The following ABTB2 variants were observed in gnomAD, a reference collection of about 807,000 sequenced individuals.
ABTB2 encodes ankyrin repeat and BTB/POZ domain-containing protein 2.
In ABTB2, 56 loss-of-function variants were observed where a neutral mutation model predicts 104.1. The observed-to-expected ratio is 0.54, with a 90% CI of 0.43 to 0.67. The LOEUF (loss-of-function observed/expected upper bound fraction) is 0.67, where lower values mean the gene tolerates loss of function less well. ABTB2 is among the 30% of genes least tolerant of loss of function. The probability of loss-of-function intolerance (pLI) is 0.00; values close to 1 mark genes in which losing one functional copy is unlikely to be tolerated. For missense variants in ABTB2, 1,279 were observed against 1,407.7 expected, an observed-to-expected ratio of 0.91 and a Z score of 1.46; for synonymous variants, 606 against 608.2, an observed-to-expected ratio of 1.00 and a Z score of 0.05.
intron 1 of ABTB2, among the ~76,000 whole-genome samples, chr11:34,322,194 T>C (rs928117056): frequency 1.3e-5 from 2 of 152,204 alleles, no homozygotes; most frequent in African/African-American, 4.8e-5. Context: ...ATGAAACACA[T>C]GATCTGGTTA....
At chr11:34,187,702 C>T (rs1853120121) in intron 3 of ABTB2, among the ~76,000 whole-genome samples, 1 of 151,986 alleles carries the variant, frequency 6.6e-6, no homozygotes, top group African/African-American at 2.4e-5. Context: ...CTATTTTGCC[C>T]AGGCTTGTCT....
At chr11:34,224,157 T>C (rs888337583) in intron 1 of ABTB2, among the ~76,000 whole-genome samples, 3 of 152,128 alleles carry the variant, frequency 2.0e-5, no homozygotes, top group African/African-American at 4.8e-5. Flanking sequence ...AAACTACAAG[T>C]GTATGCCACC....
chr11:34,313,747 T>C (rs2133106581), intron 1 of ABTB2, among the ~76,000 whole-genome samples: 1 of 152,358 alleles, frequency 6.6e-6, no homozygotes, highest in South Asian at 2.1e-4. Context: ...ACTTTGCAAC[T>C]CTACGGAGAA....
chr11:34,195,748 T>G (rs537872431), intron 3 of ABTB2, among the ~76,000 whole-genome samples: 5 of 152,334 alleles, frequency 3.3e-5, no homozygotes, highest in African/African-American at 1.2e-4. Context: ...AGCATCCGCC[T>G]GCAAACTGCT....
At chr11:34,191,930 C>T (rs889160185) in intron 3 of ABTB2, among the ~76,000 whole-genome samples, 1 of 152,194 alleles carries the variant, frequency 6.6e-6, no homozygotes, top group Non-Finnish European at 1.5e-5. Flanking sequence ...TGCTCCCCTG[C>T]CTGATACAAA....
chr11:34,313,277 G>A (rs1461215678), intron 1 of ABTB2, among the ~76,000 whole-genome samples: 1 of 152,220 alleles, frequency 6.6e-6, no homozygotes, highest in Non-Finnish European at 1.5e-5. Flanking sequence ...TCTGGTGCTG[G>A]CTCTGAAAGG....
rs529779414 is a variant in ABTB2, at chr11:34,244,342, C to T, written c.884-39652G>A. 8.5e-5 allele frequency among the ~76,000 whole-genome samples: 13 copies of T among 152,256 alleles called. No individual in the cohort carries two copies. In the South Asian group the frequency reaches 1.2e-3, roughly 15 times the overall value. On this transcript the variant is annotated intron_variant, in intron 1 of 16. Coordinates refer to ENST00000435224, the MANE Select transcript of ABTB2 (RefSeq NM_145804.3). The stretch of plus-strand genomic sequence containing the variant: ...AAAATGGAAGCAGGCCCAGGCTGAC[C>T]GATAGTGGGAAAAGCAGATCAGCAG...
intron 1 of ABTB2, among the ~76,000 whole-genome samples, chr11:34,284,319 C>T (rs745855754): frequency 5.9e-5 from 9 of 152,176 alleles, no homozygotes; most frequent in Admixed American, 1.3e-4. Context: ...AAATGACCCC[C>T]GTGTAACCCT....
At chr11:34,159,471 G>T in intron 13 of ABTB2, 85 bp from the exon 14 acceptor site, 1 of 877,932 alleles carries the variant, frequency 1.1e-6, no homozygotes. Context: ...TCACCTGACC[G>T]GCTACCACAA....
At chr11:34,208,922 C>T (rs1258385796) in intron 1 of ABTB2, among the ~76,000 whole-genome samples, 1 of 152,188 alleles carries the variant, frequency 6.6e-6, no homozygotes, top group Non-Finnish European at 1.5e-5. Flanking sequence ...TCACCCATCC[C>T]CTGCCTCCAG....
At chr11:34,315,426 A>G (rs942915146) in intron 1 of ABTB2, among the ~76,000 whole-genome samples, 2 of 152,176 alleles carry the variant, frequency 1.3e-5, no homozygotes, top group Non-Finnish European at 2.9e-5. Flanking sequence ...CGAGGTTTAG[A>G]AGCCCATCTT....
chr11:34,339,353 C>T (rs1040687572), intron 1 of ABTB2, among the ~76,000 whole-genome samples: 1 of 152,198 alleles, frequency 6.6e-6, no homozygotes, highest in Non-Finnish European at 1.5e-5. Flanking sequence ...GGTCACCACA[C>T]CCCACTCCAC....
rs541389451 is a variant in ABTB2 at position 34,154,229 on chromosome 11, G to A, written c.2880+36C>T. 5.3e-6 allele frequency: 8 copies of A among 1,518,356 alleles called. No homozygotes were observed. The East Asian group carries it at 6.8e-5, about 13-fold the overall frequency. 94.1% of individuals were successfully genotyped at this position (1,518,356 alleles called of 1,614,324 possible). On this transcript the variant is annotated intron_variant, in intron 16 of 16. Coordinates refer to ENST00000435224, the MANE Select transcript of ABTB2 (RefSeq NM_145804.3). The surrounding 1 kb of genome is among the most constrained non-coding windows in gnomAD (Gnocchi z 4.9). ...GAGGCCCCCGTGGAGCAGAGCATGT[G>A]GTGGGAGGTGGCCAGCAGGCATCCT... is the stretch of plus-strand genomic sequence containing the variant.
rs147897627 is a variant in ABTB2 at position 34,324,881 on chromosome 11, C to T, written c.883+31820G>A. On this transcript the variant is annotated intron_variant, in intron 1 of 16. Transcript: ENST00000435224. ...GGCAGGCTCAGCCTCTACTGGAGTG[C>T]CCGTGGCAGACTGTATCACCTCCCT... is the stretch of plus-strand genomic sequence containing the variant. 1.5e-3 allele frequency among the ~76,000 whole-genome samples: 232 copies of T among 152,348 alleles called. 1 individual carries two copies. Among genetic ancestry groups the T allele is most frequent in the Non-Finnish European group, 2.3e-3 (158 of 68,040 alleles).
chr11:34,251,625 A>G (rs1475263106), intron 1 of ABTB2, among the ~76,000 whole-genome samples: 1 of 152,118 alleles, frequency 6.6e-6, no homozygotes, highest in Non-Finnish European at 1.5e-5. Flanking sequence ...TCATTATCTG[A>G]CGTGCATTTG....
intron 1 of ABTB2, among the ~76,000 whole-genome samples, chr11:34,229,445 CACTCCAGCCT>C (rs1853739954): frequency 6.7e-6 from 1 of 148,878 alleles, no homozygotes; most frequent in African/African-American, 2.5e-5. Context: ...CGCACCACTG[CACTCCAGCCT>C]GGGTGACAGA....
chr11:34,311,862 C>T (rs552777455), intron 1 of ABTB2, among the ~76,000 whole-genome samples: 3 of 152,252 alleles, frequency 2.0e-5, no homozygotes, highest in Admixed American at 6.5e-5. Context: ...CAATGGGGGC[C>T]GGGCATGGTG....
In ABTB2 at chr11:34,357,550, G is replaced by C. The variant is rs1215554843; in HGVS notation, c.34C>G (p.Leu12Val). The change falls in exon 1 of 17, where the codon CTG becomes GTG. Residue 12 changes from leucine (L) to valine (V), a missense_variant. Physicochemically the swap from Leu to Val is conservative, Grantham distance 32. Coordinates refer to ENST00000435224, the MANE Select transcript of ABTB2 (RefSeq NM_145804.3). The part of the protein sequence containing the change: ...AGTYSSTLKT[L>V]EDLTLDSGYG... ...CCGGAGTCCAAGGTCAAGTCCTCCAGCGTCTTCAGAGTCGAGCTGTACGTC... is the reference window on the plus strand; with the variant it reads ...CCGGAGTCCAAGGTCAAGTCCTCCACCGTCTTCAGAGTCGAGCTGTACGTC... 1 of 1,533,232 alleles carries C rather than the reference G, an allele frequency of 6.5e-7. No individual in the cohort carries two copies. The highest frequency in any genetic ancestry group is 8.7e-7 in the Non-Finnish European group (1 of 1,143,740). 95.0% of individuals were successfully genotyped at this position (1,533,232 alleles called of 1,614,324 possible).
chr11:34,244,922 C>T (rs926133851), intron 1 of ABTB2, among the ~76,000 whole-genome samples: 13 of 108,890 alleles, frequency 1.2e-4, no homozygotes, highest in Non-Finnish European at 9.7e-5. Flanking sequence ...GTGGATGGAT[C>T]GCCTGAGCCC....
Sources: allele counts gnomAD v4.1 joint callset (sites outside exome capture counted in the v4.1 genomes callset), GRCh38; gene constraint gnomAD v4.1.1; non-coding constraint Gnocchi (gnomAD v3.1); transcripts MANE v1.5; gene names NCBI Gene and HGNC (gene_info 2026-07-23, HGNC 2026-07-21).